The following FBP1 variants were observed in gnomAD, a reference collection of about 807,000 sequenced individuals.
The protein encoded by FBP1 is fructose-1,6-bisphosphatase 1.
In FBP1, 22 loss-of-function variants were observed where a neutral mutation model predicts 29.9. That is an observed-to-expected ratio of 0.74 (90% CI 0.53 to 1.05). FBP1 has a LOEUF of 1.05. Among genes scored for constraint, FBP1 ranks in the 50% least tolerant of loss-of-function variants. FBP1 has a pLI of 0.00. For missense variants in FBP1, 345 were observed against 448.2 expected (o/e 0.77, Z 2.08); for synonymous variants, 175 against 178.6 (o/e 0.98, Z 0.16).
intron 1 of FBP1, among the ~76,000 whole-genome samples, chr9:94,625,719 C>T (rs1233664595): frequency 1.3e-5 from 2 of 152,224 alleles, no homozygotes; most frequent in African/African-American, 4.8e-5. Context: ...GGCGTGAACC[C>T]GGGAAGTGGA....
At chr9:94,620,629 T>C in intron 1 of FBP1, 138 bp from the exon 2 acceptor site, 1 of 831,554 alleles carries the variant, frequency 1.2e-6, no homozygotes, top group Non-Finnish European at 2.0e-6. Flanking sequence ...TGGATGAAGC[T>C]GGAATCCATC....
intron 2 of FBP1, among the ~76,000 whole-genome samples, chr9:94,618,660 C>T (rs1816907873): frequency 6.6e-6 from 1 of 151,804 alleles, no homozygotes; most frequent in African/African-American, 2.4e-5. Flanking sequence ...CTAAACAAAA[C>T]AAATTTCTAG....
chr9:94,626,739 T>G (rs1157485861), intron 1 of FBP1, among the ~76,000 whole-genome samples: 1 of 152,170 alleles, frequency 6.6e-6, no homozygotes, highest in East Asian at 1.9e-4. Context: ...TCCATAAGTT[T>G]TCAGAAGCCC....
At position 94,603,492 on chromosome 9, in the gene FBP1, G is replaced by T. The variant is rs28369776; in HGVS notation, c.906C>A (p.Ala302=). 3 of 1,614,058 alleles carry T rather than the reference G, an allele frequency of 1.9e-6. No individual in the cohort carries two copies. Among genetic ancestry groups the T allele is most frequent in the Non-Finnish European group, 2.5e-6 (3 of 1,179,974 alleles). Residue 302 remains alanine, a synonymous_variant, in exon 7 of 7, where the codon GCC becomes GCA. Coordinates refer to ENST00000375326, the MANE Select transcript of FBP1 (RefSeq NM_000507.4). ...AGGMATTGKE[A]VLDVIPTDIH... is the part of the protein sequence containing the mutation. ...TGTCTGTGGGAATGACGTCTAACACGGCCTCCTTCCCAGTGGTGGCCATTC... is the reference window on the plus strand; with the variant it reads ...TGTCTGTGGGAATGACGTCTAACACTGCCTCCTTCCCAGTGGTGGCCATTC...
intron 3 of FBP1, among the ~76,000 whole-genome samples, chr9:94,614,143 G>A (rs949398751): frequency 1.4e-5 from 2 of 143,848 alleles, no homozygotes; most frequent in African/African-American, 2.6e-5. Flanking sequence ...GGAGGGAGAA[G>A]GAGGAGGGGA....
At chr9:94,609,874 G>A (rs200286579) in intron 4 of FBP1, 47 bp downstream of exon 4, 153 of 1,606,324 alleles carry the variant, frequency 9.5e-5, no homozygotes, top group Non-Finnish European at 9.0e-5. Flanking sequence ...TCATTCATTT[G>A]CTCACAGACA....
intron 1 of FBP1, among the ~76,000 whole-genome samples, chr9:94,631,669 G>C (rs1828106029): frequency 6.6e-6 from 1 of 152,164 alleles, no homozygotes; most frequent in African/African-American, 2.4e-5. Flanking sequence ...TGAGTAACAC[G>C]ATTGCAGCAG....
At chr9:94,634,248 C>G (rs1488079192) in intron 1 of FBP1, among the ~76,000 whole-genome samples, 3 of 149,912 alleles carry the variant, frequency 2.0e-5, no homozygotes, top group Non-Finnish European at 4.4e-5. Flanking sequence ...GAGCTGAGAT[C>G]GCCCCACTGC....
chr9:94,615,318 G>A (rs1401369943), intron 3 of FBP1, among the ~76,000 whole-genome samples: 2 of 151,854 alleles, frequency 1.3e-5, no homozygotes, highest in Non-Finnish European at 2.9e-5. Flanking sequence ...AAGCTGGCTT[G>A]ATTTTTTTTT....
chr9:94,620,355 C>A lies in FBP1; in HGVS notation c.307G>T (p.Ala103Ser). 1.2e-6 allele frequency: 2 copies of A among 1,614,134 alleles called. No homozygotes were observed. Among genetic ancestry groups the A allele is most frequent in the South Asian group, 1.1e-5 (1 of 91,080 alleles). ...CTTTTCTCCGGTTCCACTATGATGG[C>A]GTGTTTATCTTCTTCTGACACGAGA... ...CVLVSEEDKH[A>S]IIVEPEKRGK... Residue 103 changes from alanine to serine, a missense_variant, in exon 2 of 7, where the codon GCC becomes TCC. Physicochemically the swap from Ala to Ser is moderately conservative, Grantham distance 99 (BLOSUM62 1). Transcript: ENST00000375326.
chr9:94,635,969 A>G (rs1828185834), intron 1 of FBP1, among the ~76,000 whole-genome samples: 1 of 152,242 alleles, frequency 6.6e-6, no homozygotes, highest in East Asian at 1.9e-4. Context: ...CTGCTATTAT[A>G]GGCATATGTA....
intron 3 of FBP1, among the ~76,000 whole-genome samples, chr9:94,615,835 T>A (rs1464116282): frequency 1.3e-5 from 2 of 151,636 alleles, no homozygotes; most frequent in Non-Finnish European, 2.9e-5. Flanking sequence ...CAGTTCTTTT[T>A]TTTTTTTTTT....
At chr9:94,629,735 G>A (rs1205128387) in intron 1 of FBP1, among the ~76,000 whole-genome samples, 1 of 152,122 alleles carries the variant, frequency 6.6e-6, no homozygotes, top group African/African-American at 2.4e-5. Context: ...CCTTTATGGG[G>A]CATTGTCTTC....
intron 1 of FBP1, among the ~76,000 whole-genome samples, chr9:94,638,720 A>G (rs1828235355): frequency 6.6e-6 from 1 of 152,204 alleles, no homozygotes; most frequent in Non-Finnish European, 1.5e-5. Flanking sequence ...AATTGCAGAA[A>G]GAGTGAAGGA....
intron 6 of FBP1, chr9:94,603,777 C>T (rs550609830): frequency 2.9e-5 from 18 of 626,242 alleles, no homozygotes; most frequent in South Asian, 2.6e-4. Context: ...TTAAATTCAA[C>T]CATTCATCAA....
intron 3 of FBP1, among the ~76,000 whole-genome samples, chr9:94,614,081 A>T (rs925159736): frequency 6.6e-6 from 1 of 150,442 alleles, no homozygotes; most frequent in Non-Finnish European, 1.5e-5. Flanking sequence ...CTCCATCTCA[A>T]AAAAAGAAAA....
chr9:94,636,855 A>G (rs1407957108), intron 1 of FBP1, among the ~76,000 whole-genome samples: 1 of 151,894 alleles, frequency 6.6e-6, no homozygotes, highest in East Asian at 1.9e-4. Context: ...TGCCTGGCTA[A>G]TTTTTGTGTT....
intron 1 of FBP1, among the ~76,000 whole-genome samples, chr9:94,628,465 A>G (rs1382200258): frequency 6.6e-6 from 1 of 152,086 alleles, no homozygotes; most frequent in Non-Finnish European, 1.5e-5. Flanking sequence ...GCCTAAGAGG[A>G]GAAATGTCAG....
intron 3 of FBP1, among the ~76,000 whole-genome samples, chr9:94,611,142 C>T (rs1317290030): frequency 3.3e-5 from 5 of 152,162 alleles, no homozygotes; most frequent in Admixed American, 1.3e-4. Context: ...GGATTACAGG[C>T]GTGAGCCACT....
Sources: gnomAD v4.1 joint callset for allele counts (sites outside exome capture counted in the v4.1 genomes callset) on GRCh38, gnomAD v4.1.1 for gene constraint, MANE v1.5 for transcripts, NCBI Gene and HGNC (gene_info 2026-07-23, HGNC 2026-07-21) for gene names.